The following TBL1X variants were observed in gnomAD, a reference collection of about 807,000 sequenced individuals.
The protein encoded by TBL1X is transducin beta like 1 X-linked, also known as F-box-like/WD repeat-containing protein TBL1X.
Under a neutral mutation model 50.7 loss-of-function variants are expected in TBL1X, and 10 were observed. That is an observed-to-expected ratio of 0.20 (90% CI 0.12 to 0.33). The LOEUF is 0.33. Among genes scored for constraint, TBL1X ranks in the 10% least tolerant of loss-of-function variants. TBL1X has a pLI of 1.00. For missense variants in TBL1X, 340 were observed against 504.4 expected (o/e 0.67, Z 3.12); for synonymous variants, 190 against 214.7 (o/e 0.88, Z 1.01).
At chrX:9,631,701 C>T (rs958488908) in intron 2 of TBL1X, among the ~76,000 whole-genome samples, 2 of 112,595 alleles carry the variant, frequency 1.8e-5, no homozygotes, top group Admixed American at 9.4e-5. Flanking sequence ...CACCATAATA[C>T]GTTGTTATTA....
At chrX:9,469,788 G>T (rs1048642799) in intron 1 of TBL1X, among the ~76,000 whole-genome samples, 1 of 110,537 alleles carries the variant, frequency 9.0e-6, no homozygotes, top group East Asian at 2.8e-4. Context: ...CCCCAGCCCC[G>T]AATCTGGGGC....
chrX:9,528,174 A>G (rs189039972), intron 2 of TBL1X, among the ~76,000 whole-genome samples: 19 of 110,545 alleles, frequency 1.7e-4, no homozygotes, highest in African/African-American at 6.3e-4. Context: ...CCTGGCACCC[A>G]CCGTTCTATT....
rs1601837080 is a variant in TBL1X, at chrX:9,683,966, C to T, written c.212-77C>T. 18 of 1,194,059 alleles carry T rather than the reference C, an allele frequency of 1.5e-5. No homozygotes were observed. In the East Asian group the frequency reaches 5.0e-4, roughly 33 times the overall value. On this transcript the variant is annotated intron_variant, in intron 5 of 17. Coordinates refer to ENST00000645353, the MANE Select transcript of TBL1X (RefSeq NM_005647.4). ...AAGTGTGTTTGAAGTCTGCGGGCCA[C>T]CTTCAGATCTCAATGGCTGCACCTC...
At chrX:9,633,458 C>T (rs2030877472) in intron 2 of TBL1X, among the ~76,000 whole-genome samples, 3 of 111,487 alleles carry the variant, frequency 2.7e-5, no homozygotes, top group African/African-American at 6.5e-5. Context: ...TGTGACTTTC[C>T]ACCTCCCCAT....
At chrX:9,567,059 C>T (rs763527820) in intron 2 of TBL1X, among the ~76,000 whole-genome samples, 20 of 111,750 alleles carry the variant, frequency 1.8e-4, no homozygotes, top group African/African-American at 6.2e-4. Context: ...GATGATAGAA[C>T]GGGCTGGGGA....
intron 1 of TBL1X, among the ~76,000 whole-genome samples, chrX:9,476,185 C>G: frequency 8.9e-6 from 1 of 112,324 alleles, no homozygotes; most frequent in Admixed American, 9.4e-5. Context: ...CCTATCTCCC[C>G]TCTCCAGAGA....
At chrX:9,707,682 T>C (rs777912708) in intron 13 of TBL1X, among the ~76,000 whole-genome samples, 91 of 112,690 alleles carry the variant, frequency 8.1e-4, no homozygotes, top group Non-Finnish European at 1.2e-3. Flanking sequence ...TGAGTTTTCC[T>C]CTGAACAGCT....
intron 2 of TBL1X, among the ~76,000 whole-genome samples, chrX:9,545,302 G>T (rs746350991): frequency 9.0e-6 from 1 of 111,047 alleles, no homozygotes; most frequent in Admixed American, 9.6e-5. Context: ...AGCACTTTGC[G>T]GGGCTGAGGC....
intron 2 of TBL1X, among the ~76,000 whole-genome samples, chrX:9,562,527 CT>C (rs1393798238): frequency 9.0e-6 from 1 of 111,471 alleles, no homozygotes; most frequent in Admixed American, 9.5e-5. Context: ...TTTAATGTCT[CT>C]TTTTCTCCTT....
intron 1 of TBL1X, among the ~76,000 whole-genome samples, chrX:9,489,558 T>C (rs2081930572): frequency 9.0e-6 from 1 of 111,507 alleles, no homozygotes; most frequent in African/African-American, 3.3e-5. Flanking sequence ...GGGCTAGGCT[T>C]AGGGTTGAAA....
At chrX:9,585,795 C>T (rs747041224) in intron 2 of TBL1X, among the ~76,000 whole-genome samples, 1 of 111,789 alleles carries the variant, frequency 8.9e-6, no homozygotes, top group Non-Finnish European at 1.9e-5. Flanking sequence ...TCACTAATTA[C>T]ATGTACGGCG....
chrX:9,486,250 TTA>T (rs2081911910), intron 1 of TBL1X, among the ~76,000 whole-genome samples: 1 of 108,903 alleles, frequency 9.2e-6, no homozygotes, highest in Non-Finnish European at 1.9e-5. Flanking sequence ...TTTTTTTTTT[TTA>T]TTATTGAGAC....
intron 2 of TBL1X, among the ~76,000 whole-genome samples, chrX:9,528,074 C>T (rs1478997085): frequency 2.7e-5 from 3 of 111,156 alleles, no homozygotes; most frequent in Non-Finnish European, 3.8e-5. Flanking sequence ...TGGGAGCCAC[C>T]GTGCCCAGCC....
intron 2 of TBL1X, among the ~76,000 whole-genome samples, chrX:9,510,312 G>A (rs143444028): frequency 0.033 from 3,667 of 112,129 alleles, 150 homozygotes; most frequent in African/African-American, 0.11. Context: ...GGGGTAAGTG[G>A]GATTTGGATT....
At chrX:9,662,466 A>G (rs1218406237) in intron 5 of TBL1X, among the ~76,000 whole-genome samples, 2 of 112,225 alleles carry the variant, frequency 1.8e-5, no homozygotes, top group Non-Finnish European at 3.8e-5. Flanking sequence ...CCAGCCACAA[A>G]AGGCAAATAC....
At chrX:9,504,802 T>C (rs112922274) in intron 2 of TBL1X, among the ~76,000 whole-genome samples, 77 of 111,684 alleles carry the variant, frequency 6.9e-4, no homozygotes, top group African/African-American at 2.3e-3. Context: ...ACCAGAAATA[T>C]GGGACCTCAT....
At chrX:9,689,049 T>C (rs888477627) in intron 7 of TBL1X, among the ~76,000 whole-genome samples, 1 of 113,674 alleles carries the variant, frequency 8.8e-6, no homozygotes, top group Non-Finnish European at 1.9e-5. Flanking sequence ...CACGCGTATA[T>C]GCGTGTGCGC....
intron 5 of TBL1X, among the ~76,000 whole-genome samples, chrX:9,657,748 G>A (rs753983286): frequency 2.7e-4 from 30 of 112,468 alleles, no homozygotes; most frequent in African/African-American, 7.4e-4. Flanking sequence ...ACCCACAGGC[G>A]ACATCTCATA....
At chrX:9,473,860 T>C (rs950683728) in intron 1 of TBL1X, among the ~76,000 whole-genome samples, 3 of 112,646 alleles carry the variant, frequency 2.7e-5, no homozygotes, top group African/African-American at 9.7e-5. Flanking sequence ...TAAGAATGAA[T>C]AATCTTCCCT....
Sources: allele counts gnomAD v4.1 joint callset (sites outside exome capture counted in the v4.1 genomes callset), GRCh38; gene constraint gnomAD v4.1.1; transcripts MANE v1.5; gene names NCBI Gene and HGNC (gene_info 2026-07-23, HGNC 2026-07-21).